Variants in RMDN2 observed in about 807,000 individuals in gnomAD.
RMDN2 encodes the protein regulator of microtubule dynamics 2.
A neutral mutation model predicts 52.8 loss-of-function variants in RMDN2; 61 were observed. The observed-to-expected ratio is 1.16, with a 90% CI of 0.94 to 1.43. The LOEUF (loss-of-function observed/expected upper bound fraction) is 1.43. RMDN2 is among the 40% of genes most tolerant of loss of function. The pLI is 0.00. For missense variants in RMDN2, 592 were observed against 475.3 expected (o/e 1.25, Z -2.28); for synonymous variants, 180 against 153.1 (o/e 1.18, Z -1.30).
At chr2:37,965,667 A>C (rs2125038934) in intron 2 of RMDN2, among the ~76,000 whole-genome samples, 1 of 152,282 alleles carries the variant, frequency 6.6e-6, no homozygotes, top group Admixed American at 6.5e-5. Flanking sequence ...AACTTAGAAT[A>C]ATTCTGTTAT....
At chr2:38,055,063 A>G (rs1352210706) in intron 10 of RMDN2, among the ~76,000 whole-genome samples, 1 of 152,124 alleles carries the variant, frequency 6.6e-6, no homozygotes, top group Non-Finnish European at 1.5e-5. Flanking sequence ...TATTGCAAGC[A>G]TTGCTTATTA....
chr2:38,027,143 C>A (rs1343203707), intron 10 of RMDN2: 3 of 152,234 alleles, frequency 2.0e-5, no homozygotes, highest in Admixed American at 2.0e-4. Flanking sequence ...AAGCCCTCTA[C>A]CTGCTTTGGT....
At chr2:37,957,560 A>T (rs1305474302) in intron 2 of RMDN2, among the ~76,000 whole-genome samples, 1 of 152,122 alleles carries the variant, frequency 6.6e-6, no homozygotes, top group East Asian at 1.9e-4. Flanking sequence ...TGTCAGATGG[A>T]TAGATTGCAG....
At chr2:38,064,382 C>T (rs570298133) in intron 10 of RMDN2, among the ~76,000 whole-genome samples, 2 of 151,764 alleles carry the variant, frequency 1.3e-5, no homozygotes, top group Non-Finnish European at 2.9e-5. Context: ...CCCAGCTACT[C>T]GGGGGGCTGA....
chr2:37,951,313 C>T (rs762040507), intron 2 of RMDN2: 12 of 1,612,762 alleles, frequency 7.4e-6, no homozygotes, highest in South Asian at 1.1e-5. Flanking sequence ...CGTGGAGCCT[C>T]TTCTATTTCA....
At chr2:38,035,675 T>C (rs959184971) in intron 10 of RMDN2, among the ~76,000 whole-genome samples, 2 of 152,198 alleles carry the variant, frequency 1.3e-5, no homozygotes, top group African/African-American at 4.8e-5. Context: ...ATTCAATAAA[T>C]GAGTCCCTGG....
intron 2 of RMDN2, among the ~76,000 whole-genome samples, chr2:37,935,717 CATT>C (rs1667230176): frequency 6.6e-6 from 1 of 152,084 alleles, no homozygotes; most frequent in Non-Finnish European, 1.5e-5. Flanking sequence ...ACATACATAT[CATT>C]ATATGGCACA....
intron 7 of RMDN2, among the ~76,000 whole-genome samples, chr2:37,994,085 G>A (rs72901018): frequency 0.28 from 41,885 of 151,978 alleles, 6,297 homozygotes; most frequent in African/African-American, 0.4. Context: ...CACAGAAAGT[G>A]TCCCAACAAT....
intron 10 of RMDN2, among the ~76,000 whole-genome samples, chr2:38,011,298 G>C (rs1297586732): frequency 1.3e-5 from 2 of 152,176 alleles, no homozygotes; most frequent in East Asian, 1.9e-4. Flanking sequence ...CAGTAAGTCA[G>C]GATTCTGGGT....
chr2:37,926,506 C>T (rs1275821488), intron 1 of RMDN2, among the ~76,000 whole-genome samples: 2 of 152,184 alleles, frequency 1.3e-5, no homozygotes, highest in Non-Finnish European at 2.9e-5. Context: ...TATTTACTAG[C>T]ACCTTACAAA....
intron 5 of RMDN2, among the ~76,000 whole-genome samples, chr2:37,982,609 T>C (rs1673469592): frequency 6.6e-6 from 1 of 152,122 alleles, no homozygotes; most frequent in East Asian, 1.9e-4. Context: ...AATTTCTTAG[T>C]GTGTCGCGGA....
At chr2:38,022,056 TTTC>T (rs1679424160), downstream of RMDN2, among the ~76,000 whole-genome samples, 1 of 152,198 alleles carries the variant, frequency 6.6e-6, no homozygotes, top group Non-Finnish European at 1.5e-5. Context: ...GTCACAGACC[TTTC>T]TTAACAAGTG....
At chr2:38,044,318 T>C (rs1320151309) in intron 10 of RMDN2, among the ~76,000 whole-genome samples, 1 of 152,092 alleles carries the variant, frequency 6.6e-6, no homozygotes, top group East Asian at 1.9e-4. Context: ...TTTCTGTTTG[T>C]CTTTGGTTTT....
At chr2:38,066,976 T>C (rs1006129787) in intron 10 of RMDN2, 8 of 1,613,690 alleles carry the variant, frequency 5.0e-6, no homozygotes, top group Non-Finnish European at 6.8e-6. Flanking sequence ...GTTTTCACAT[T>C]AATAGGAGCT....
intron 2 of RMDN2, chr2:37,950,476 A>G: frequency 1.2e-6 from 2 of 1,611,894 alleles, no homozygotes; most frequent in Non-Finnish European, 1.7e-6. Context: ...ATGCAGCTTG[A>G]GCATTCAGTC....
intron 10 of RMDN2, among the ~76,000 whole-genome samples, chr2:38,065,130 G>A (rs1284088338): frequency 6.6e-6 from 1 of 152,142 alleles, no homozygotes; most frequent in Non-Finnish European, 1.5e-5. Flanking sequence ...AAAAAATGTG[G>A]TGGATAAGTA....
chr2:38,007,630 A>G (rs1420927728), intron 10 of RMDN2, among the ~76,000 whole-genome samples: 1 of 151,944 alleles, frequency 6.6e-6, no homozygotes, highest in East Asian at 1.9e-4. Context: ...AGGTCTATCA[A>G]TTTTGTTGAT....
chr2:37,943,915 C>T (rs919305989), intron 2 of RMDN2, among the ~76,000 whole-genome samples: 2 of 152,072 alleles, frequency 1.3e-5, no homozygotes, highest in African/African-American at 4.8e-5. Context: ...TGCCCCTCCC[C>T]CACCACCTAA....
chr2:37,993,098 T>C (rs1256050469), intron 7 of RMDN2, among the ~76,000 whole-genome samples: 1 of 152,134 alleles, frequency 6.6e-6, no homozygotes, highest in Non-Finnish European at 1.5e-5. Flanking sequence ...ATTTTATTTT[T>C]ATTTTTAGTA....
Sources: gnomAD v4.1 joint callset for allele counts (sites outside exome capture counted in the v4.1 genomes callset) on GRCh38, gnomAD v4.1.1 for gene constraint, MANE v1.5 for transcripts, NCBI Gene and HGNC (gene_info 2026-07-23, HGNC 2026-07-21) for gene names.